The following SPECC1 variants were observed in gnomAD, a reference collection of about 807,000 sequenced individuals.
SPECC1 encodes cytospin-B.
A neutral mutation model predicts 104.1 loss-of-function variants in SPECC1; 62 were observed. The ratio of observed to expected loss-of-function variants is 0.60; its 90% CI spans 0.49 to 0.74. The LOEUF (loss-of-function observed/expected upper bound fraction) is 0.74. Ranked by LOEUF, SPECC1 falls within the 30% of genes least tolerant of loss-of-function variation. The probability of loss-of-function intolerance (pLI) is 0.00; values close to 1 mark genes in which losing one functional copy is unlikely to be tolerated. For missense variants in SPECC1, 1,306 were observed against 1,310.5 expected, an observed-to-expected ratio of 1.00 and a Z score of 0.05; for synonymous variants, 513 against 501.6, an observed-to-expected ratio of 1.02 and a Z score of -0.30.
At chr17:20,020,309 C>T (rs1166185060) in intron 1 of SPECC1, among the ~76,000 whole-genome samples, 1 of 152,070 alleles carries the variant, frequency 6.6e-6, no homozygotes, top group Non-Finnish European at 1.5e-5. Flanking sequence ...CAGCCTGGAT[C>T]TAGTTTCCTC....
In SPECC1 at chr17:20,318,962, A is replaced by G. The variant is rs1310017729; in HGVS notation, c.*4897A>G. 5.5e-6 allele frequency: 1 copy of G among 183,192 alleles called. No individual in the cohort carries two copies. Among genetic ancestry groups the G allele is most frequent in the African/African-American group, 2.4e-5 (1 of 42,492 alleles). The allele number at this position is 183,192 out of a possible 1,614,324, so 11.3% of individuals were successfully genotyped here. A position where few individuals can be genotyped will look rare whatever the true frequency, so the allele number is the denominator to read the frequency against. On this transcript the variant is annotated 3_prime_UTR_variant, in exon 15 of 15. Transcript: ENST00000395527. ...ACATGCTAATTAGATGTATTTAACTATTCATAGGAAAGTGTATGATAAATG... is the reference window on the plus strand; with the variant it reads ...ACATGCTAATTAGATGTATTTAACTGTTCATAGGAAAGTGTATGATAAATG...
intron 1 of SPECC1, among the ~76,000 whole-genome samples, chr17:20,078,658 A>C (rs1367134179): frequency 6.6e-6 from 1 of 152,228 alleles, no homozygotes; most frequent in African/African-American, 2.4e-5. Context: ...CATACCTTTG[A>C]TTTGTCTTAG....
intron 2 of SPECC1, among the ~76,000 whole-genome samples, chr17:20,101,154 G>T (rs1329170226): frequency 6.6e-6 from 1 of 152,140 alleles, no homozygotes; most frequent in Non-Finnish European, 1.5e-5. Context: ...TTAGTGGAAT[G>T]ATTTATATTC....
At chr17:20,268,486 T>TA (rs2040290202) in intron 12 of SPECC1, among the ~76,000 whole-genome samples, 1 of 152,136 alleles carries the variant, frequency 6.6e-6, no homozygotes, top group East Asian at 1.9e-4. Flanking sequence ...TTATATTCTT[T>TA]TTTGAGACAG....
chr17:20,047,874 T>C (rs2045598200), intron 1 of SPECC1, among the ~76,000 whole-genome samples: 1 of 152,096 alleles, frequency 6.6e-6, no homozygotes, highest in Non-Finnish European at 1.5e-5. Flanking sequence ...TTTAATCACT[T>C]TTATGGATTT....
At position 20,107,462 on chromosome 17, in the gene SPECC1, C is replaced by CT. The variant is rs201566147; in HGVS notation, c.148-2949dup. The stretch of plus-strand genomic sequence containing the variant: ...TGTCTCTTCTTTTCTTTTCTTTTTT[C>CT]TTTTTTTTTTTTTTTTGAGATGGAT... On this transcript the variant is annotated intron_variant, in intron 2 of 14. Transcript: ENST00000395527. Among the ~76,000 whole-genome samples, 1,230 of 132,080 alleles carry CT rather than the reference C, an allele frequency of 9.3e-3. 7 individuals carry two copies. Among genetic ancestry groups the CT allele is most frequent in the Admixed American group, 0.017 (220 of 13,136 alleles). 86.6% of individuals were successfully genotyped at this position (132,080 alleles called of 152,430 possible).
At chr17:20,225,082 A>G (rs1177933318) in intron 4 of SPECC1, among the ~76,000 whole-genome samples, 1 of 151,498 alleles carries the variant, frequency 6.6e-6, no homozygotes, top group Non-Finnish European at 1.5e-5. Flanking sequence ...TAGAAATGTT[A>G]TCTGGGAGCT....
intron 12 of SPECC1, among the ~76,000 whole-genome samples, chr17:20,287,757 T>G (rs2041008003): frequency 6.6e-6 from 1 of 151,686 alleles, no homozygotes; most frequent in South Asian, 2.1e-4. Flanking sequence ...GCTTTTTTTT[T>G]TTGTTTTATT....
intron 3 of SPECC1, among the ~76,000 whole-genome samples, chr17:20,174,590 G>C (rs899745223): frequency 7.1e-6 from 1 of 140,940 alleles, no homozygotes; most frequent in African/African-American, 2.5e-5. Flanking sequence ...TGGAGACCAG[G>C]TGGTCACATC....
At chr17:20,286,893 C>T (rs533196398) in intron 12 of SPECC1, among the ~76,000 whole-genome samples, 1 of 152,290 alleles carries the variant, frequency 6.6e-6, no homozygotes, top group East Asian at 1.9e-4. Flanking sequence ...CTGCCTCTTC[C>T]CTCCAACCCC....
At chr17:20,179,814 A>G (rs572193681) in intron 3 of SPECC1, among the ~76,000 whole-genome samples, 1 of 152,242 alleles carries the variant, frequency 6.6e-6, no homozygotes, top group Non-Finnish European at 1.5e-5. Flanking sequence ...GCAGCAGGAA[A>G]CATTGCATAC....
intron 1 of SPECC1, among the ~76,000 whole-genome samples, chr17:20,039,340 A>C (rs546627455): frequency 4.6e-5 from 7 of 152,248 alleles, no homozygotes; most frequent in Admixed American, 1.3e-4. Context: ...TCAGTTGTTA[A>C]GAGAGGGTGT....
chr17:20,166,080 GAAAC>G (rs2033624376), intron 3 of SPECC1, among the ~76,000 whole-genome samples: 1 of 152,124 alleles, frequency 6.6e-6, no homozygotes, highest in Non-Finnish European at 1.5e-5. Flanking sequence ...TAATTCTACT[GAAAC>G]AATAGTATCA....
chr17:20,289,029 C>T (rs1249744402), intron 12 of SPECC1, among the ~76,000 whole-genome samples: 3 of 152,024 alleles, frequency 2.0e-5, no homozygotes, highest in African/African-American at 7.2e-5. Flanking sequence ...GTGATCCACC[C>T]ATCTCAGCCT....
intron 1 of SPECC1, among the ~76,000 whole-genome samples, chr17:20,033,801 G>A (rs560182677): frequency 2.6e-5 from 4 of 152,240 alleles, no homozygotes; most frequent in African/African-American, 7.2e-5. Flanking sequence ...CATGAGACTC[G>A]GTGGGGCCAA....
At chr17:20,259,500 A>G (rs543807522) in intron 11 of SPECC1, among the ~76,000 whole-genome samples, 28 of 151,984 alleles carry the variant, frequency 1.8e-4, no homozygotes, top group Non-Finnish European at 4.1e-4. Context: ...TGCACCTTTA[A>G]AATTTATTTT....
intron 7 of SPECC1, among the ~76,000 whole-genome samples, chr17:20,242,909 G>A (rs940737699): frequency 2.6e-5 from 4 of 152,100 alleles, no homozygotes; most frequent in African/African-American, 4.8e-5. Flanking sequence ...TGAAATTATC[G>A]ATTATTATCC....
intron 12 of SPECC1, among the ~76,000 whole-genome samples, chr17:20,288,768 CTTCTTTTTTTT>C (rs2041049335): frequency 7.4e-6 from 1 of 135,160 alleles, no homozygotes; most frequent in African/African-American, 2.8e-5. Context: ...GTGAAGGGCA[CTTCTTTTTTTT>C]TTTTTTTTTT....
rs183113670 is a variant in SPECC1, at chr17:20,202,777, G to T, written c.284-1556G>T. ...AAAAGTTATACACAGAGTTTTGACT[G>T]CATGAAAGGTTGGCACCCCTAACCT... On this transcript the variant is annotated intron_variant, in intron 3 of 14. Coordinates refer to ENST00000395527, the MANE Select transcript of SPECC1 (RefSeq NM_001243439.2). Among the ~76,000 whole-genome samples the T allele has an allele frequency of 4.5e-3, 691 of 152,248 alleles. 4 individuals carry two copies. Among genetic ancestry groups the T allele is most frequent in the Non-Finnish European group, 7.5e-3 (510 of 68,018 alleles).
Sources: gnomAD v4.1 joint callset for allele counts (sites outside exome capture counted in the v4.1 genomes callset) on GRCh38, gnomAD v4.1.1 for gene constraint, MANE v1.5 for transcripts, NCBI Gene and HGNC (gene_info 2026-07-23, HGNC 2026-07-21) for gene names.